AGBL1: variants seen among roughly 807,000 people sequenced by gnomAD.
AGBL1 encodes the protein AGBL carboxypeptidase 1.
In AGBL1, 130 loss-of-function variants were observed where a neutral mutation model predicts 118.9. The observed-to-expected ratio is 1.09, with a 90% CI of 0.95 to 1.26. The LOEUF is 1.26. AGBL1 is among the 50% of genes most tolerant of loss of function. AGBL1 has a pLI of 0.00. For synonymous variants in AGBL1, 555 were observed against 478.9 expected (o/e 1.16, Z -2.08); for missense variants, 1,584 against 1,298.1 (o/e 1.22, Z -3.38).
intron 18 of AGBL1, among the ~76,000 whole-genome samples, chr15:86,436,620 AC>A (rs1432644496): frequency 6.6e-6 from 1 of 152,226 alleles, no homozygotes; most frequent in Admixed American, 6.5e-5. Flanking sequence ...CAGAGACATG[AC>A]CTTTGCTGCC....
At chr15:86,227,210 T>C (rs2078379969) in intron 6 of AGBL1, among the ~76,000 whole-genome samples, 1 of 152,224 alleles carries the variant, frequency 6.6e-6, no homozygotes, top group African/African-American at 2.4e-5. Context: ...AACAGATTGG[T>C]GGAGAACTGC....
intron 20 of AGBL1, among the ~76,000 whole-genome samples, chr15:86,553,908 T>C (rs1013829150): frequency 2.0e-5 from 3 of 152,064 alleles, no homozygotes; most frequent in African/African-American, 7.2e-5. Context: ...TCTCCCAGGC[T>C]GGAGTGCAGT....
chr15:86,786,678 T>C (rs1282389131), intron 22 of AGBL1, among the ~76,000 whole-genome samples: 3 of 152,230 alleles, frequency 2.0e-5, no homozygotes, highest in Non-Finnish European at 4.4e-5. Context: ...ATCTCAACTT[T>C]CATGTAATTG....
chr15:86,408,217 T>C (rs2081559874), intron 18 of AGBL1, among the ~76,000 whole-genome samples: 1 of 152,222 alleles, frequency 6.6e-6, no homozygotes, highest in African/African-American at 2.4e-5. Flanking sequence ...TTCTGTGGCC[T>C]CTGGGAAATG....
At chr15:86,370,430 G>A (rs1359670121) in intron 17 of AGBL1, among the ~76,000 whole-genome samples, 2 of 151,198 alleles carry the variant, frequency 1.3e-5, no homozygotes, top group African/African-American at 2.4e-5. Context: ...TCAGCCTCCT[G>A]AGTAGCCGGG....
chr15:86,574,154 C>CTAT (rs1266623135), intron 21 of AGBL1, among the ~76,000 whole-genome samples: 1 of 152,198 alleles, frequency 6.6e-6, no homozygotes, highest in Non-Finnish European at 1.5e-5. Flanking sequence ...GCTATGTGGG[C>CTAT]TATTGCTGGA....
intron 22 of AGBL1, among the ~76,000 whole-genome samples, chr15:86,887,418 TC>T (rs2079986654): frequency 6.6e-6 from 1 of 152,224 alleles, no homozygotes; most frequent in Non-Finnish European, 1.5e-5. Context: ...AACTCAGACT[TC>T]ACTGAGCTCA....
chr15:86,200,649 T>A (rs1220380470), intron 5 of AGBL1, among the ~76,000 whole-genome samples: 4 of 147,888 alleles, frequency 2.7e-5, no homozygotes, highest in Non-Finnish European at 6.0e-5. Context: ...GGAGTCTCGC[T>A]CTTGTCACCC....
chr15:86,920,995 A>C (rs982602305), downstream of AGBL1, among the ~76,000 whole-genome samples: 41 of 152,148 alleles, frequency 2.7e-4, no homozygotes, highest in Non-Finnish European at 4.4e-5. Context: ...TCAGAGTGCC[A>C]AGCAAGGAGA....
At chr15:86,983,765 G>C (rs1297954115) in intron 23 of AGBL1, among the ~76,000 whole-genome samples, 1 of 152,106 alleles carries the variant, frequency 6.6e-6, no homozygotes, top group East Asian at 1.9e-4. Flanking sequence ...CAGTGTTCTA[G>C]AATTTTATAT....
At chr15:87,003,475 G>T (rs2081462905) in intron 24 of AGBL1, among the ~76,000 whole-genome samples, 1 of 152,250 alleles carries the variant, frequency 6.6e-6, no homozygotes, top group East Asian at 1.9e-4. Context: ...TTGGTATCGT[G>T]ATGATGCTGT....
At chr15:86,461,443 G>A (rs766400125) in intron 18 of AGBL1, among the ~76,000 whole-genome samples, 1 of 152,098 alleles carries the variant, frequency 6.6e-6, no homozygotes, top group Non-Finnish European at 1.5e-5. Flanking sequence ...CATCTGAGAA[G>A]AACGTTTTAT....
At chr15:86,577,154 C>T (rs928802704) in intron 21 of AGBL1, among the ~76,000 whole-genome samples, 6 of 152,028 alleles carry the variant, frequency 3.9e-5, no homozygotes, top group African/African-American at 1.4e-4. Flanking sequence ...ATAGGTTTGC[C>T]CAAATGCTTA....
intron 18 of AGBL1, among the ~76,000 whole-genome samples, chr15:86,470,985 T>G (rs1470407259): frequency 6.6e-6 from 1 of 152,168 alleles, no homozygotes; most frequent in Non-Finnish European, 1.5e-5. Flanking sequence ...ATAATTTTAC[T>G]TATTCCTTTT....
At chr15:86,457,894 C>A (rs2142080167) in intron 18 of AGBL1, among the ~76,000 whole-genome samples, 1 of 152,236 alleles carries the variant, frequency 6.6e-6, no homozygotes, top group East Asian at 1.9e-4. Context: ...TAGTGAGTGC[C>A]CCCGATTCTT....
In AGBL1 at chr15:86,548,656, C is replaced by T. The variant is rs1306737031; in HGVS notation, c.2817+2523C>T. Among the ~76,000 whole-genome samples the T allele has an allele frequency of 5.2e-5, 6 of 116,014 alleles. No individual in the cohort carries two copies. The South Asian group carries it at 1.8e-3, about 35-fold the overall frequency. The allele number at this position is 116,014 out of a possible 152,430, so 76.1% of individuals were successfully genotyped here. A position where few individuals can be genotyped will look rare whatever the true frequency, so the allele number is the denominator to read the frequency against. On this transcript the variant is annotated intron_variant, in intron 20 of 22. Coordinates refer to ENST00000614907, the MANE Select transcript of AGBL1 (RefSeq NM_001386094.1). Reference sequence around the variant, plus strand: ...ACAGAAGGATAGCCACACACACACACATGCACGCACACACACACACACACA... The same window carrying T: ...ACAGAAGGATAGCCACACACACACATATGCACGCACACACACACACACACA...
At chr15:86,734,653 A>G (rs570265490) in intron 22 of AGBL1, among the ~76,000 whole-genome samples, 1 of 152,250 alleles carries the variant, frequency 6.6e-6, no homozygotes, top group South Asian at 2.1e-4. Context: ...GGTGGTTCCT[A>G]TACTTCTCTA....
intron 22 of AGBL1, among the ~76,000 whole-genome samples, chr15:86,720,325 C>T (rs1341496674): frequency 6.6e-6 from 1 of 152,178 alleles, no homozygotes; most frequent in Non-Finnish European, 1.5e-5. Context: ...TCCTGGGGGT[C>T]ATCAATGATT....
chr15:86,351,030 G>C (rs947619045), intron 17 of AGBL1, among the ~76,000 whole-genome samples: 2 of 152,168 alleles, frequency 1.3e-5, no homozygotes, highest in African/African-American at 4.8e-5. Flanking sequence ...AAATTTCTCT[G>C]GTCTGACCTA....
Sources: gnomAD v4.1 joint callset for allele counts (sites outside exome capture counted in the v4.1 genomes callset) on GRCh38, gnomAD v4.1.1 for gene constraint, MANE v1.5 for transcripts, NCBI Gene and HGNC (gene_info 2026-07-23, HGNC 2026-07-21) for gene names.